The following PPM1L variants were observed in gnomAD, a reference collection of about 807,000 sequenced individuals.
PPM1L encodes the protein protein phosphatase, Mg2+/Mn2+ dependent 1L, also known as protein phosphatase 1L.
In PPM1L, 13 loss-of-function variants were observed where a neutral mutation model predicts 31.4. That is an observed-to-expected ratio of 0.41 (90% CI 0.27 to 0.66). PPM1L has a LOEUF of 0.66. PPM1L is among the 30% of genes least tolerant of loss of function. The pLI is 0.29. For missense variants in PPM1L, 326 were observed against 453.7 expected (o/e 0.72, Z 2.56); for synonymous variants, 184 against 175.4 (o/e 1.05, Z -0.39).
intron 1 of PPM1L, among the ~76,000 whole-genome samples, chr3:160,773,552 G>C (rs1015809398): frequency 6.6e-5 from 10 of 152,208 alleles, no homozygotes; most frequent in African/African-American, 2.4e-4. Flanking sequence ...GCCTGTGCCA[G>C]TACCGTCAGT....
chr3:160,876,107 C>T (rs1374262760), intron 1 of PPM1L, among the ~76,000 whole-genome samples: 1 of 152,120 alleles, frequency 6.6e-6, no homozygotes, highest in Non-Finnish European at 1.5e-5. Context: ...TTCATCAATT[C>T]CTTAAATCTG....
At chr3:161,058,810 T>G (rs898746968) in intron 2 of PPM1L, among the ~76,000 whole-genome samples, 9 of 152,136 alleles carry the variant, frequency 5.9e-5, no homozygotes, top group Non-Finnish European at 1.3e-4. Flanking sequence ...ACTGAGAAAG[T>G]TTTAAAAGTA....
chr3:161,007,249 T>G (rs1182346353), intron 2 of PPM1L, among the ~76,000 whole-genome samples: 1 of 152,224 alleles, frequency 6.6e-6, no homozygotes, highest in Non-Finnish European at 1.5e-5. Context: ...GGGCAAGGAA[T>G]GCCAGGACAT....
chr3:160,769,336 G>C (rs145024394), intron 1 of PPM1L, among the ~76,000 whole-genome samples: 4 of 152,326 alleles, frequency 2.6e-5, no homozygotes, highest in African/African-American at 7.2e-5. Flanking sequence ...TTGCTGTAAA[G>C]TGTATAACAC....
At chr3:160,937,272 G>A (rs1407750649) in intron 1 of PPM1L, among the ~76,000 whole-genome samples, 1 of 152,166 alleles carries the variant, frequency 6.6e-6, no homozygotes, top group Non-Finnish European at 1.5e-5. Flanking sequence ...AGTCATCTCA[G>A]AATTATAACT....
chr3:161,054,976 A>T (rs1423799630), intron 2 of PPM1L, among the ~76,000 whole-genome samples: 1 of 152,176 alleles, frequency 6.6e-6, no homozygotes, highest in African/African-American at 2.4e-5. Context: ...TTGTGATTTG[A>T]ATCGTAATTA....
chr3:161,013,159 T>A (rs536825333), intron 2 of PPM1L, among the ~76,000 whole-genome samples: 33 of 152,360 alleles, frequency 2.2e-4, no homozygotes, highest in African/African-American at 7.9e-4. Context: ...TTGTGGGCAT[T>A]TAGTGCTGTA....
chr3:160,935,410 G>A (rs893380493), intron 1 of PPM1L, among the ~76,000 whole-genome samples: 3 of 152,130 alleles, frequency 2.0e-5, no homozygotes, highest in African/African-American at 2.4e-5. Flanking sequence ...GACTGGGTGC[G>A]TACATCTGTA....
At chr3:160,998,281 T>A (rs1378950696) in intron 2 of PPM1L, among the ~76,000 whole-genome samples, 1 of 152,168 alleles carries the variant, frequency 6.6e-6, no homozygotes. Context: ...AATCCAGTTG[T>A]TTACAGCCGG....
At chr3:160,981,282 AT>A (rs1716788380) in intron 2 of PPM1L, among the ~76,000 whole-genome samples, 2 of 152,184 alleles carry the variant, frequency 1.3e-5, no homozygotes, top group South Asian at 4.1e-4. Context: ...ATGTAGTTGC[AT>A]TCAAGCTGTC....
chr3:160,967,055 A>C (rs1411176161), intron 2 of PPM1L, among the ~76,000 whole-genome samples: 2 of 151,978 alleles, frequency 1.3e-5, no homozygotes, highest in Non-Finnish European at 2.9e-5. Context: ...GGTGGGAGGT[A>C]ATTGAATCAT....
Position 160,974,132 on chromosome 3 carries a change from T to C in PPM1L, c.574+12222T>C, listed in dbSNP as rs1282615366. Among the ~76,000 whole-genome samples the C allele has an allele frequency of 7.3e-5, 11 of 150,084 alleles. No homozygotes were observed. In the East Asian group the frequency reaches 2.2e-3, roughly 30 times the overall value. ...TGAGAATATGCGGTGTTTGGTTTTTTGTTCTTGCGATAGTTTACTGAGAAT... is the reference window on the plus strand; with the variant it reads ...TGAGAATATGCGGTGTTTGGTTTTTCGTTCTTGCGATAGTTTACTGAGAAT... On this transcript the variant is annotated intron_variant, in intron 2 of 3. Coordinates refer to ENST00000498165, the MANE Select transcript of PPM1L (RefSeq NM_139245.4).
chr3:160,807,384 A>G (rs1303118129), intron 1 of PPM1L, among the ~76,000 whole-genome samples: 12 of 152,202 alleles, frequency 7.9e-5, no homozygotes, highest in African/African-American at 1.4e-4. Context: ...TTTATATTGT[A>G]TAGCCATGCA....
At chr3:160,942,281 A>T (rs1715188323) in intron 1 of PPM1L, among the ~76,000 whole-genome samples, 1 of 152,010 alleles carries the variant, frequency 6.6e-6, no homozygotes, top group Non-Finnish European at 1.5e-5. Flanking sequence ...TTTTGTAGAG[A>T]TGGGAGTCTT....
chr3:160,788,461 T>A (rs376290400), intron 1 of PPM1L, among the ~76,000 whole-genome samples: 1 of 152,120 alleles, frequency 6.6e-6, no homozygotes, highest in African/African-American at 2.4e-5. Context: ...TCTGATGAAG[T>A]GTAAGAGTTC....
chr3:160,759,421 T>C (rs1220335363), intron 1 of PPM1L, among the ~76,000 whole-genome samples: 1 of 151,402 alleles, frequency 6.6e-6, no homozygotes, highest in Non-Finnish European at 1.5e-5. Context: ...TCCCTCACCC[T>C]TTTTTTTTCT....
intron 1 of PPM1L, among the ~76,000 whole-genome samples, chr3:160,825,560 A>G (rs1713331094): frequency 6.6e-6 from 1 of 152,200 alleles, no homozygotes; most frequent in South Asian, 2.1e-4. Flanking sequence ...AGACAGTGGA[A>G]CAGGTTACAG....
At chr3:160,808,383 C>CTGTGTGTG (rs71912617) in intron 1 of PPM1L, among the ~76,000 whole-genome samples, 22 of 110,366 alleles carry the variant, frequency 2.0e-4, no homozygotes, top group Middle Eastern at 4.9e-3. Flanking sequence ...CAGGATTTTC[C>CTGTGTGTG]TGTGTGTGTG....
chr3:161,014,473 ATT>A (rs66734087), intron 2 of PPM1L, among the ~76,000 whole-genome samples: 45,921 of 128,960 alleles, frequency 0.36, 8,588 homozygotes, highest in East Asian at 0.67. Flanking sequence ...TCAAGTCAGG[ATT>A]TTTTTTTTTT....
Sources: allele counts gnomAD v4.1 joint callset (sites outside exome capture counted in the v4.1 genomes callset), GRCh38; gene constraint gnomAD v4.1.1; transcripts MANE v1.5; gene names NCBI Gene and HGNC (gene_info 2026-07-23, HGNC 2026-07-21).